The following TENM3 variants were observed in gnomAD, a reference collection of about 807,000 sequenced individuals.
The protein encoded by TENM3 is teneurin-3.
Under a neutral mutation model 255.1 loss-of-function variants are expected in TENM3, and 63 were observed. That is an observed-to-expected ratio of 0.25 (90% CI 0.20 to 0.30). TENM3 has a LOEUF of 0.30. Ranked by LOEUF, TENM3 falls within the 10% of genes least tolerant of loss-of-function variation. The probability of loss-of-function intolerance (pLI) is 1.00; values close to 1 mark genes in which losing one functional copy is unlikely to be tolerated. For synonymous variants in TENM3, 1,306 were observed against 1,322.3 expected, an observed-to-expected ratio of 0.99 and a Z score of 0.27; for missense variants, 2,929 against 3,461.1, an observed-to-expected ratio of 0.85 and a Z score of 3.86.
the TENM3 span, among the ~76,000 whole-genome samples, chr4:181,467,893 ATT>A: frequency 2.2e-4 from 34 of 152,272 alleles, no homozygotes; most frequent in Non-Finnish European, 2.9e-5. Context: ...TTGACCCTAT[ATT>A]ATATATGTTA....
the TENM3 span, among the ~76,000 whole-genome samples, chr4:181,615,048 T>G: frequency 6.6e-6 from 1 of 152,168 alleles, no homozygotes; most frequent in African/African-American, 2.4e-5. Context: ...ATCCACAGCT[T>G]GCTGCTGAAT....
chr4:181,961,474 G>A, the TENM3 span, among the ~76,000 whole-genome samples: 3 of 152,188 alleles, frequency 2.0e-5, no homozygotes, highest in East Asian at 3.9e-4. Flanking sequence ...AGGCTGGAGC[G>A]TAGTGTGCGA....
chr4:182,770,787 A>C (rs115697995), intron 22 of TENM3, among the ~76,000 whole-genome samples: 3,273 of 152,288 alleles, frequency 0.021, 119 homozygotes, highest in African/African-American at 0.075. Flanking sequence ...CTCACGCTTT[A>C]GCTTGCACGG....
chr4:182,160,898 G>A (rs938620475), intron 1 of TENM3, among the ~76,000 whole-genome samples: 8 of 133,356 alleles, frequency 6.0e-5, no homozygotes, highest in Non-Finnish European at 8.3e-5. Flanking sequence ...ACATCCTTCC[G>A]TAATGTATAC....
the TENM3 span, among the ~76,000 whole-genome samples, chr4:181,938,838 A>T: frequency 6.6e-6 from 1 of 152,228 alleles, no homozygotes; most frequent in Non-Finnish European, 1.5e-5. Context: ...ACCCAGAATA[A>T]AAGACTCTTT....
chr4:182,034,308 C>T, the TENM3 span, among the ~76,000 whole-genome samples: 1 of 152,164 alleles, frequency 6.6e-6, no homozygotes, highest in Non-Finnish European at 1.5e-5. Flanking sequence ...CTCTTGACTA[C>T]AGCACACTAA....
chr4:182,442,350 T>C (rs1049473879), intron 3 of TENM3, among the ~76,000 whole-genome samples: 2 of 152,332 alleles, frequency 1.3e-5, no homozygotes, highest in South Asian at 4.1e-4. Flanking sequence ...ATGGTTGATA[T>C]TATAAATTGT....
At chr4:181,923,786 G>T in the TENM3 span, among the ~76,000 whole-genome samples, 1 of 152,102 alleles carries the variant, frequency 6.6e-6, no homozygotes, top group South Asian at 2.1e-4. Flanking sequence ...AAAAGATACC[G>T]CTTCCCAGGA....
chr4:182,066,297 G>A, the TENM3 span, among the ~76,000 whole-genome samples: 1 of 152,174 alleles, frequency 6.6e-6, no homozygotes, highest in African/African-American at 2.4e-5. Flanking sequence ...CCCTCTGGGA[G>A]AAATGTCTAC....
chr4:182,736,701 CAGAG>C, intron 16 of TENM3, 103 bp from the exon 17 acceptor site: 1 of 1,079,342 alleles, frequency 9.3e-7, no homozygotes, highest in Non-Finnish European at 1.3e-6. Flanking sequence ...AACTAAGACA[CAGAG>C]AGTCACTATT....
the TENM3 span, among the ~76,000 whole-genome samples, chr4:181,746,742 C>T: frequency 3.3e-5 from 5 of 151,376 alleles, no homozygotes; most frequent in African/African-American, 1.2e-4. Context: ...AACCACTTCC[C>T]TACTAATCAG....
chr4:182,703,630 A>G (rs1758057249), intron 12 of TENM3, among the ~76,000 whole-genome samples: 1 of 152,234 alleles, frequency 6.6e-6, no homozygotes, highest in Non-Finnish European at 1.5e-5. Flanking sequence ...TTTCTATATC[A>G]ATCACCTTTG....
At chr4:182,527,233 A>G (rs188993034) in intron 3 of TENM3, among the ~76,000 whole-genome samples, 34 of 152,322 alleles carry the variant, frequency 2.2e-4, no homozygotes, top group Admixed American at 2.0e-3. Context: ...ATTTCCTCCA[A>G]TTTTGAAACA....
chr4:181,902,338 G>A, the TENM3 span, among the ~76,000 whole-genome samples: 1 of 152,136 alleles, frequency 6.6e-6, no homozygotes, highest in Non-Finnish European at 1.5e-5. Context: ...TTCTTTTGCT[G>A]TGCAGAAGCT....
At chr4:181,793,790 T>C in the TENM3 span, among the ~76,000 whole-genome samples, 3 of 152,216 alleles carry the variant, frequency 2.0e-5, no homozygotes, top group East Asian at 3.9e-4. Context: ...AGTGTCTGAA[T>C]CAAGAAAAGC....
At chr4:182,402,362 C>T (rs1360213845) in intron 3 of TENM3, among the ~76,000 whole-genome samples, 1 of 152,156 alleles carries the variant, frequency 6.6e-6, no homozygotes, top group East Asian at 1.9e-4. Flanking sequence ...TGTACAGTCG[C>T]TCCACATGCC....
the TENM3 span, among the ~76,000 whole-genome samples, chr4:181,679,077 C>T: frequency 6.6e-6 from 1 of 152,030 alleles, no homozygotes; most frequent in African/African-American, 2.4e-5. Flanking sequence ...GATTGAAAAC[C>T]TATCTTAGGA....
intron 12 of TENM3, among the ~76,000 whole-genome samples, chr4:182,701,003 G>A (rs572352587): frequency 6.6e-6 from 1 of 152,072 alleles, no homozygotes; most frequent in South Asian, 2.1e-4. Context: ...CTTAGTGCAC[G>A]AGACAGGTTA....
At chr4:181,458,334 T>C in the TENM3 span, among the ~76,000 whole-genome samples, 4 of 151,944 alleles carry the variant, frequency 2.6e-5, no homozygotes, top group African/African-American at 9.7e-5. Flanking sequence ...AGTGAATCAG[T>C]GTAGATATTT....
Sources: allele counts gnomAD v4.1 joint callset (sites outside exome capture counted in the v4.1 genomes callset), GRCh38; gene constraint gnomAD v4.1.1; transcripts MANE v1.5; gene names NCBI Gene and HGNC (gene_info 2026-07-23, HGNC 2026-07-21).